Variants in ARHGAP26 observed in about 807,000 individuals in gnomAD.
The protein encoded by ARHGAP26 is rho GTPase-activating protein 26.
Under a neutral mutation model 104.8 loss-of-function variants are expected in ARHGAP26, and 38 were observed. That is an observed-to-expected ratio of 0.36 (90% CI 0.28 to 0.48). The LOEUF is 0.48. ARHGAP26 is among the 20% of genes least tolerant of loss of function. The pLI is 0.99. For missense variants in ARHGAP26, 704 were observed against 947.9 expected (o/e 0.74, Z 3.38); for synonymous variants, 341 against 340.0 (o/e 1.00, Z -0.03).
chr5:142,904,860 T>C (rs1760892167), intron 8 of ARHGAP26, among the ~76,000 whole-genome samples: 1 of 152,240 alleles, frequency 6.6e-6, no homozygotes, highest in African/African-American at 2.4e-5. Context: ...GCAGATGTCT[T>C]CACTCCTAAT....
chr5:142,956,722 G>A (rs964776856), intron 11 of ARHGAP26, among the ~76,000 whole-genome samples: 2 of 152,174 alleles, frequency 1.3e-5, no homozygotes, highest in African/African-American at 2.4e-5. Context: ...TTGAGACTGG[G>A]CAATTTACAA....
intron 12 of ARHGAP26, among the ~76,000 whole-genome samples, chr5:143,023,144 A>C (rs989420998): frequency 2.6e-5 from 4 of 152,224 alleles, no homozygotes; most frequent in African/African-American, 9.7e-5. Context: ...GCAACACAAC[A>C]TAATGCTTTA....
At chr5:142,770,996 C>A in intron 1 of ARHGAP26, 81 bp downstream of exon 1, 1 of 1,485,862 alleles carries the variant, frequency 6.7e-7, no homozygotes, top group Non-Finnish European at 9.0e-7. Context: ...GTTGCCCGCG[C>A]GTCTGCCGGG....
At chr5:142,897,181 C>T (rs1315902985) in intron 6 of ARHGAP26, among the ~76,000 whole-genome samples, 3 of 152,118 alleles carry the variant, frequency 2.0e-5, no homozygotes, top group Non-Finnish European at 4.4e-5. Flanking sequence ...AGGATGGATG[C>T]TATAGATGTG....
At chr5:143,011,225 C>T (rs760661914) in intron 11 of ARHGAP26, among the ~76,000 whole-genome samples, 5 of 151,924 alleles carry the variant, frequency 3.3e-5, no homozygotes, top group African/African-American at 4.8e-5. Flanking sequence ...AGGAGGTACC[C>T]CTCATCATTC....
At chr5:142,772,457 G>A (rs1755407413) in intron 1 of ARHGAP26, among the ~76,000 whole-genome samples, 1 of 152,212 alleles carries the variant, frequency 6.6e-6, no homozygotes, top group African/African-American at 2.4e-5. Context: ...GCTTTAGTGA[G>A]TTCTCTGCTT....
At chr5:142,849,584 C>T (rs747104356) in intron 1 of ARHGAP26, among the ~76,000 whole-genome samples, 81 of 152,264 alleles carry the variant, frequency 5.3e-4, no homozygotes, top group Non-Finnish European at 9.1e-4. Context: ...GGTTCCCTTC[C>T]TTGTGGGCTT....
At chr5:143,016,056 A>G (rs1471646672) in intron 12 of ARHGAP26, among the ~76,000 whole-genome samples, 2 of 152,234 alleles carry the variant, frequency 1.3e-5, no homozygotes, top group Non-Finnish European at 2.9e-5. Flanking sequence ...GAGACAATCT[A>G]AATACCAAAT....
intron 19 of ARHGAP26, among the ~76,000 whole-genome samples, chr5:143,141,508 A>G (rs955471870): frequency 3.9e-5 from 6 of 152,350 alleles, no homozygotes; most frequent in African/African-American, 1.4e-4. Context: ...TTGGAGAGAA[A>G]TGCATATTTC....
intron 20 of ARHGAP26, among the ~76,000 whole-genome samples, chr5:143,154,174 G>C (rs201245059): frequency 4.2e-5 from 3 of 71,400 alleles, no homozygotes; most frequent in African/African-American, 1.0e-4. Flanking sequence ...AAAAAAAAAA[G>C]AGTTTCTGCT....
At chr5:142,942,126 A>C (rs1374420264) in intron 11 of ARHGAP26, among the ~76,000 whole-genome samples, 1 of 152,172 alleles carries the variant, frequency 6.6e-6, no homozygotes, top group Non-Finnish European at 1.5e-5. Flanking sequence ...GAGGATGACC[A>C]AAATTGTTTC....
At chr5:143,043,858 G>A (rs897631806) in intron 14 of ARHGAP26, among the ~76,000 whole-genome samples, 7 of 152,226 alleles carry the variant, frequency 4.6e-5, no homozygotes, top group African/African-American at 7.2e-5. Context: ...AGAAGATTGA[G>A]TAGTGTAGTG....
At chr5:142,972,207 G>A (rs1772400744) in intron 11 of ARHGAP26, among the ~76,000 whole-genome samples, 1 of 151,498 alleles carries the variant, frequency 6.6e-6, no homozygotes, top group African/African-American at 2.4e-5. Flanking sequence ...ATACAGTTGT[G>A]AGGTTTCTTG....
intron 4 of ARHGAP26, among the ~76,000 whole-genome samples, chr5:142,879,786 A>C (rs1756685297): frequency 6.6e-6 from 1 of 152,330 alleles, no homozygotes; most frequent in South Asian, 2.1e-4. Flanking sequence ...TTATTGAACA[A>C]TACATTTGTT....
rs74485704 is a variant in ARHGAP26 at position 142,961,105 on chromosome 5, G to A, written c.1107+28980G>A. On this transcript the variant is annotated intron_variant, in intron 11 of 22. Transcript: ENST00000645722. ...TCTTTCCTTTAGAGTGGCATTCCTT[G>A]AATTAGACCTTATCTAACCCACCTT... Among the ~76,000 whole-genome samples the A allele has an allele frequency of 3.0e-3, 451 of 152,192 alleles. 3 individuals are homozygous for A. The highest frequency in any genetic ancestry group is 0.01 in the Middle Eastern group (3 of 294).
At chr5:142,857,726 C>CA (rs1752598542) in intron 1 of ARHGAP26, among the ~76,000 whole-genome samples, 1 of 152,166 alleles carries the variant, frequency 6.6e-6, no homozygotes, top group African/African-American at 2.4e-5. Context: ...GGTGTGTTGC[C>CA]AGGGACTTTC....
intron 21 of ARHGAP26, among the ~76,000 whole-genome samples, chr5:143,209,688 G>C (rs1005900299): frequency 1.3e-5 from 2 of 152,076 alleles, no homozygotes; most frequent in Non-Finnish European, 2.9e-5. Flanking sequence ...GGCTAAGGCA[G>C]GAGGATTGCT....
In ARHGAP26 at chr5:143,226,094, A is replaced by G. The variant is rs1488317307; in HGVS notation, c.*3648A>G. ...AGTAGCCTCCAGTTTCCTTTGTAAG[A>G]CCCAGGGATCACTTAGCCATAGCCT... On this transcript the variant is annotated 3_prime_UTR_variant, in exon 23 of 23. Transcript: ENST00000645722. The G allele has an allele frequency of 4.8e-6, 1 of 206,606 alleles. No homozygotes were observed. Among genetic ancestry groups the G allele is most frequent in the Non-Finnish European group, 9.9e-6 (1 of 101,160 alleles). The allele number at this position is 206,606 out of a possible 1,614,324, so 12.8% of individuals were successfully genotyped here. A position where few individuals can be genotyped will look rare whatever the true frequency, so the allele number is the denominator to read the frequency against.
chr5:142,880,927 T>A (rs530711564), intron 4 of ARHGAP26, among the ~76,000 whole-genome samples: 1 of 152,338 alleles, frequency 6.6e-6, no homozygotes, highest in African/African-American at 2.4e-5. Flanking sequence ...TTTAGAGTAT[T>A]TTCTACTAAT....
Sources: gnomAD v4.1 joint callset for allele counts (sites outside exome capture counted in the v4.1 genomes callset) on GRCh38, gnomAD v4.1.1 for gene constraint, MANE v1.5 for transcripts, NCBI Gene and HGNC (gene_info 2026-07-23, HGNC 2026-07-21) for gene names.